The following INPP4B variants were observed in gnomAD, a reference collection of about 807,000 sequenced individuals.
INPP4B encodes the protein inositol polyphosphate 4-phosphatase type II.
In INPP4B, 55 loss-of-function variants were observed where a neutral mutation model predicts 122.5. The observed-to-expected ratio is 0.45, with a 90% CI of 0.36 to 0.56. The LOEUF (loss-of-function observed/expected upper bound fraction) is 0.56, where lower values mean the gene tolerates loss of function less well. Ranked by LOEUF, INPP4B falls within the 20% of genes least tolerant of loss-of-function variation. The pLI, the probability that INPP4B is intolerant of heterozygous loss-of-function variation, is 0.00. For missense variants in INPP4B, 1,000 were observed against 1,097.7 expected (o/e 0.91, Z 1.26); for synonymous variants, 403 against 388.7 (o/e 1.04, Z -0.43).
intron 2 of INPP4B, among the ~76,000 whole-genome samples, chr4:142,627,229 T>C (rs1340635044): frequency 1.3e-5 from 2 of 151,996 alleles, no homozygotes; most frequent in Non-Finnish European, 2.9e-5. Flanking sequence ...CTTTTCCTAA[T>C]TGAATACCCT....
intron 1 of INPP4B, among the ~76,000 whole-genome samples, chr4:142,761,039 A>C (rs757454114): frequency 1.3e-5 from 2 of 152,040 alleles, no homozygotes; most frequent in East Asian, 3.9e-4. Flanking sequence ...TATTCTCCCA[A>C]ATCTTGCAAC....
At chr4:142,278,594 C>T (rs561234118) in intron 9 of INPP4B, among the ~76,000 whole-genome samples, 10 of 151,920 alleles carry the variant, frequency 6.6e-5, no homozygotes, top group East Asian at 5.8e-4. Flanking sequence ...GATAGTGTGG[C>T]GAATTCCCCT....
chr4:142,723,198 AAAG>A (rs1254254735), intron 2 of INPP4B, among the ~76,000 whole-genome samples: 1 of 152,098 alleles, frequency 6.6e-6, no homozygotes, highest in Non-Finnish European at 1.5e-5. Flanking sequence ...ACAGTACATA[AAAG>A]AATTGCTGAA....
At chr4:142,455,638 AT>A (rs1560676757) in intron 3 of INPP4B, among the ~76,000 whole-genome samples, 3 of 152,038 alleles carry the variant, frequency 2.0e-5, no homozygotes, top group African/African-American at 7.2e-5. Context: ...TATCTCTTCT[AT>A]ATACTGTTTT....
chr4:142,632,786 G>A (rs1168764881), intron 2 of INPP4B, among the ~76,000 whole-genome samples: 1 of 151,876 alleles, frequency 6.6e-6, no homozygotes, highest in Non-Finnish European at 1.5e-5. Flanking sequence ...AGTAAAAGAT[G>A]CATGTTGTGA....
At chr4:142,621,380 T>G (rs888388312) in intron 2 of INPP4B, among the ~76,000 whole-genome samples, 4 of 152,076 alleles carry the variant, frequency 2.6e-5, no homozygotes, top group Middle Eastern at 3.4e-3. Flanking sequence ...GTAAAATAGA[T>G]GATGATTACA....
chr4:142,728,565 G>C (rs1284243202), intron 1 of INPP4B, among the ~76,000 whole-genome samples: 2 of 152,150 alleles, frequency 1.3e-5, no homozygotes, highest in Non-Finnish European at 2.9e-5. Context: ...TATAAGAAGA[G>C]ATGAGACACA....
intron 2 of INPP4B, among the ~76,000 whole-genome samples, chr4:142,632,009 C>T (rs1748077926): frequency 6.6e-6 from 1 of 152,054 alleles, no homozygotes; most frequent in African/African-American, 2.4e-5. Context: ...GGTATATGTG[C>T]TCCAGCAAGA....
At chr4:142,181,588 C>T (rs555514484) in intron 15 of INPP4B, among the ~76,000 whole-genome samples, 1 of 152,256 alleles carries the variant, frequency 6.6e-6, no homozygotes, top group South Asian at 2.1e-4. Flanking sequence ...ACTGAAATGG[C>T]TACATAATGT....
intron 7 of INPP4B, among the ~76,000 whole-genome samples, chr4:142,323,117 A>G (rs1197626706): frequency 6.6e-6 from 1 of 152,242 alleles, no homozygotes; most frequent in Non-Finnish European, 1.5e-5. Flanking sequence ...CAGAGCTAGA[A>G]GGCCCTCAGA....
At position 142,261,598 on chromosome 4, in the gene INPP4B, C is replaced by T. The variant is rs1178329650; in HGVS notation, c.616-1034G>A. On this transcript the variant is annotated intron_variant, in intron 10 of 25. Transcript: ENST00000262992. ...GCTCAAGGGGCTCTGAGGGCTCAGA[C>T]AAGCTTCTCCAAGGCTCTATCAGCC... Among the ~76,000 whole-genome samples, 2 of 152,094 alleles carry T rather than the reference C, an allele frequency of 1.3e-5. 1 individual carries two copies. The highest frequency in any genetic ancestry group is 4.8e-5 in the African/African-American group (2 of 41,432).
intron 9 of INPP4B, among the ~76,000 whole-genome samples, chr4:142,301,035 G>T (rs767202228): frequency 5.3e-5 from 8 of 152,166 alleles, no homozygotes; most frequent in Non-Finnish European, 1.0e-4. Context: ...CTGTGACAAG[G>T]TAAAGTGCCC....
At chr4:142,531,263 G>C (rs1827576728) in intron 2 of INPP4B, among the ~76,000 whole-genome samples, 1 of 135,988 alleles carries the variant, frequency 7.4e-6, no homozygotes, top group Non-Finnish European at 1.6e-5. Context: ...AAGAGAAGAA[G>C]AGATGATTAA....
At chr4:142,535,459 A>G (rs79308371) in intron 2 of INPP4B, among the ~76,000 whole-genome samples, 2,022 of 152,348 alleles carry the variant, frequency 0.013, 15 homozygotes, top group Non-Finnish European at 0.02. Flanking sequence ...CACATAAGTA[A>G]GAACTAACTC....
chr4:142,473,626 G>C (rs752864302), intron 2 of INPP4B, among the ~76,000 whole-genome samples: 7 of 152,190 alleles, frequency 4.6e-5, no homozygotes, highest in African/African-American at 7.2e-5. Flanking sequence ...TGGTGCCTGA[G>C]AGCAGTAAGA....
chr4:142,460,090 CCA>C (rs1198264866), intron 3 of INPP4B, among the ~76,000 whole-genome samples: 4 of 152,058 alleles, frequency 2.6e-5, no homozygotes, highest in African/African-American at 9.7e-5. Context: ...CTTGCTATAT[CCA>C]GATATGCTAC....
At chr4:142,838,031 G>GCGT (rs1783019059) in intron 1 of INPP4B, among the ~76,000 whole-genome samples, 1 of 143,292 alleles carries the variant, frequency 7.0e-6, no homozygotes, top group African/African-American at 3.0e-5. Context: ...TGGGAAAGTG[G>GCGT]TGTTTTTTTT....
At chr4:142,594,051 T>C (rs758113177) in intron 2 of INPP4B, among the ~76,000 whole-genome samples, 1 of 152,224 alleles carries the variant, frequency 6.6e-6, no homozygotes, top group Middle Eastern at 3.2e-3. Flanking sequence ...CTAGTTATGA[T>C]TGGTGAACAT....
chr4:142,657,435 A>G (rs1754363596), intron 2 of INPP4B, among the ~76,000 whole-genome samples: 2 of 152,182 alleles, frequency 1.3e-5, no homozygotes, highest in South Asian at 4.1e-4. Flanking sequence ...AAGAATGCAA[A>G]CCTTGGCTGC....
Sources: allele counts gnomAD v4.1 joint callset (sites outside exome capture counted in the v4.1 genomes callset), GRCh38; gene constraint gnomAD v4.1.1; transcripts MANE v1.5; gene names NCBI Gene and HGNC (gene_info 2026-07-23, HGNC 2026-07-21).